The following PLCL2 variants were observed in gnomAD, a reference collection of about 807,000 sequenced individuals.
PLCL2 encodes the protein inactive phospholipase C-like protein 2.
A neutral mutation model predicts 79.6 loss-of-function variants in PLCL2; 4 were observed. The ratio of observed to expected loss-of-function variants is 0.05; its 90% CI spans 0.02 to 0.11. The LOEUF is 0.11. PLCL2 is among the 10% of genes least tolerant of loss of function. The pLI is 1.00. For synonymous variants in PLCL2, 484 were observed against 457.7 expected (o/e 1.06, Z -0.73); for missense variants, 895 against 1,291.0 (o/e 0.69, Z 4.70).
At chr3:16,989,933 TAAG>T (rs1162244215) in intron 1 of PLCL2, among the ~76,000 whole-genome samples, 3 of 152,076 alleles carry the variant, frequency 2.0e-5, no homozygotes, top group African/African-American at 7.2e-5. Context: ...ATAGGAATAA[TAAG>T]AAAGGAAAGA....
intron 1 of PLCL2, among the ~76,000 whole-genome samples, chr3:16,936,346 G>A (rs1425842336): frequency 6.6e-6 from 1 of 152,176 alleles, no homozygotes; most frequent in Admixed American, 6.5e-5. Flanking sequence ...GGGTGGCTGT[G>A]TTGTCCACAT....
At chr3:16,929,980 C>G (rs924352818) in intron 1 of PLCL2, among the ~76,000 whole-genome samples, 2 of 152,104 alleles carry the variant, frequency 1.3e-5, no homozygotes, top group Admixed American at 6.5e-5. Context: ...AGAGGCCTCT[C>G]TTTTAGACAT....
chr3:16,920,248 A>G (rs1042501668), intron 1 of PLCL2, among the ~76,000 whole-genome samples: 5 of 152,176 alleles, frequency 3.3e-5, no homozygotes, highest in African/African-American at 9.6e-5. Flanking sequence ...CAGCCTCTTT[A>G]GAAGGCAACA....
chr3:16,952,878 G>A (rs952807327), intron 1 of PLCL2, among the ~76,000 whole-genome samples: 1 of 152,028 alleles, frequency 6.6e-6, no homozygotes, highest in African/African-American at 2.4e-5. Flanking sequence ...ACCGAGGGCA[G>A]CTTAACAGGA....
chr3:16,943,867 G>A (rs2063577860), intron 1 of PLCL2, among the ~76,000 whole-genome samples: 1 of 152,128 alleles, frequency 6.6e-6, no homozygotes, highest in African/African-American at 2.4e-5. Context: ...CTTGATTTGT[G>A]CAAATAACTT....
intron 1 of PLCL2, among the ~76,000 whole-genome samples, chr3:16,951,613 T>A (rs1296573633): frequency 1.3e-5 from 2 of 152,140 alleles, no homozygotes; most frequent in Non-Finnish European, 2.9e-5. Context: ...GACTTACTTT[T>A]TATTGTTCTC....
intron 1 of PLCL2, among the ~76,000 whole-genome samples, chr3:16,940,345 T>A (rs1364663202): frequency 6.6e-6 from 1 of 152,208 alleles, no homozygotes; most frequent in Non-Finnish European, 1.5e-5. Flanking sequence ...TCAAAAAAAG[T>A]TCAACTCTCT....
intron 3 of PLCL2, among the ~76,000 whole-genome samples, chr3:17,037,676 A>G (rs892597447): frequency 6.6e-6 from 1 of 152,208 alleles, no homozygotes. Flanking sequence ...TAGAATTCAG[A>G]TGTTATTACT....
chr3:17,030,276 G>C (rs112857020), intron 3 of PLCL2, among the ~76,000 whole-genome samples: 151 of 152,080 alleles, frequency 9.9e-4, no homozygotes, highest in Admixed American at 1.3e-3. Context: ...CAACCTCAAA[G>C]GATTATAAGA....
intron 3 of PLCL2, among the ~76,000 whole-genome samples, chr3:17,028,003 A>G (rs1044403551): frequency 3.3e-5 from 5 of 152,178 alleles, no homozygotes; most frequent in East Asian, 1.9e-4. Context: ...TTAACCTCAC[A>G]TATATTTAGT....
intron 5 of PLCL2, among the ~76,000 whole-genome samples, chr3:17,087,223 T>C (rs1419349768): frequency 1.3e-5 from 2 of 152,192 alleles, no homozygotes; most frequent in African/African-American, 4.8e-5. Context: ...TATAGCAGAG[T>C]TATTTTTAAT....
chr3:16,979,344 C>CT (rs766576392), intron 1 of PLCL2, among the ~76,000 whole-genome samples: 826 of 63,552 alleles, frequency 0.013, 5 homozygotes, highest in African/African-American at 0.024. Flanking sequence ...AAATCACTTT[C>CT]TTTTTTTTTT....
At position 17,011,384 on chromosome 3, in the gene PLCL2, A is replaced by G. The variant is rs867342083; in HGVS notation, c.2038A>G (p.Met680Val). ...RFLARVFPSP[M>V]RIDSSNMNPQ... is the part of the protein sequence containing the mutation. The stretch of plus-strand genomic sequence containing the variant: ...TCTTGCTAGGGTTTTTCCCAGTCCA[A>G]TGAGAATTGATTCCAGTAACATGAA... The change falls in exon 2 of 6, where the codon ATG (methionine) becomes GTG (valine). Residue 680 changes from methionine to valine, a missense_variant. Met to Val is a conservative substitution (Grantham distance 21). Transcript: ENST00000615277. The surrounding 1 kb of genome is among the most constrained non-coding windows in gnomAD (Gnocchi z 7.9). 3 of 1,614,172 alleles carry G rather than the reference A, an allele frequency of 1.9e-6. No individual in the cohort carries two copies. The highest frequency in any genetic ancestry group is 1.7e-6 in the Non-Finnish European group (2 of 1,180,014).
chr3:16,971,459 G>C (rs2063867740), intron 1 of PLCL2, among the ~76,000 whole-genome samples: 1 of 152,132 alleles, frequency 6.6e-6, no homozygotes, highest in African/African-American at 2.4e-5. Flanking sequence ...TAGCCTTGTA[G>C]TATAGTTTGA....
chr3:16,931,085 C>T (rs543288565), intron 1 of PLCL2, among the ~76,000 whole-genome samples: 1 of 152,108 alleles, frequency 6.6e-6, no homozygotes, highest in East Asian at 1.9e-4. Flanking sequence ...ATACTACATC[C>T]TTGGCAAGCC....
intron 1 of PLCL2, among the ~76,000 whole-genome samples, chr3:16,987,467 G>A (rs2064062335): frequency 6.6e-6 from 1 of 152,104 alleles, no homozygotes; most frequent in Non-Finnish European, 1.5e-5. Flanking sequence ...TTCAGACAGT[G>A]ATAGATTGTC....
intron 1 of PLCL2, among the ~76,000 whole-genome samples, chr3:16,961,385 T>TA (rs1222147770): frequency 2.0e-5 from 3 of 152,212 alleles, no homozygotes; most frequent in African/African-American, 7.2e-5. Flanking sequence ...TCAAAGAGCT[T>TA]AGTCTACCGA....
At chr3:17,061,977 C>T (rs1463513871) in intron 4 of PLCL2, among the ~76,000 whole-genome samples, 2 of 152,124 alleles carry the variant, frequency 1.3e-5, no homozygotes, top group Admixed American at 6.5e-5. Context: ...TTCATTATCA[C>T]AAAGAAATTG....
At chr3:16,953,338 G>A (rs148534563) in intron 1 of PLCL2, among the ~76,000 whole-genome samples, 56 of 152,156 alleles carry the variant, frequency 3.7e-4, no homozygotes, top group Admixed American at 1.0e-3. Context: ...CTATCATTTT[G>A]AATTTGTACA....
Sources: allele counts gnomAD v4.1 joint callset (sites outside exome capture counted in the v4.1 genomes callset), GRCh38; gene constraint gnomAD v4.1.1; non-coding constraint Gnocchi (gnomAD v3.1); transcripts MANE v1.5; gene names NCBI Gene and HGNC (gene_info 2026-07-23, HGNC 2026-07-21).